Variants in TARS1 observed in about 807,000 individuals in gnomAD.
TARS1 encodes threonine--tRNA ligase 1, cytoplasmic.
In TARS1, 57 loss-of-function variants were observed where a neutral mutation model predicts 97.7. That is an observed-to-expected ratio of 0.58 (90% confidence interval 0.47 to 0.73). TARS1 has a LOEUF of 0.73. TARS1 is among the 30% of genes least tolerant of loss of function. TARS1 has a pLI of 0.00. For missense variants in TARS1, 806 were observed against 888.3 expected (o/e 0.91, Z 1.18); for synonymous variants, 312 against 293.7 (o/e 1.06, Z -0.64).
At chr5:33,460,012 C>A in intron 11 of TARS1, 151 bp downstream of exon 11, 2 of 746,936 alleles carry the variant, frequency 2.7e-6, no homozygotes, top group Non-Finnish European at 4.0e-6. Context: ...ATCTTCTGCA[C>A]CTGATTAGAT....
chr5:33,466,344 A>T (rs1379816390), intron 17 of TARS1: 1 of 152,134 alleles, frequency 6.6e-6, no homozygotes, highest in Admixed American at 6.5e-5. Flanking sequence ...ACTATTAAAT[A>T]TTATTCTATT....
In TARS1 at chr5:33,441,056, T is replaced by C. The variant is rs750001824; in HGVS notation, c.-31T>C. On this transcript the variant is annotated 5_prime_UTR_variant, in exon 1 of 19. Coordinates refer to ENST00000265112, the MANE Select transcript of TARS1 (RefSeq NM_152295.5). ...GCTCCTCTCCTCTAGGCCGTCGCTT[T>C]CGGGTTCTCTCATCGCTTCGTCGTT... 1 of 1,614,154 alleles carries C rather than the reference T, an allele frequency of 6.2e-7. No individual in the cohort carries two copies. The highest frequency in any genetic ancestry group is 1.1e-5 in the South Asian group (1 of 91,090).
chr5:33,466,418 A>T (rs921108129), intron 17 of TARS1, among the ~76,000 whole-genome samples: 10 of 152,174 alleles, frequency 6.6e-5, no homozygotes, highest in African/African-American at 1.7e-4. Context: ...TGATACTCAG[A>T]AGTTAAGATT....
chr5:33,441,777 A>T (rs900738759), intron 1 of TARS1: 1 of 152,254 alleles, frequency 6.6e-6, no homozygotes, highest in East Asian at 1.9e-4. Flanking sequence ...GTATTACAGA[A>T]GAGGAAGTTT....
At chr5:33,462,915 G>C (rs1742362083) in intron 16 of TARS1, among the ~76,000 whole-genome samples, 1 of 152,078 alleles carries the variant, frequency 6.6e-6, no homozygotes, top group Non-Finnish European at 1.5e-5. Context: ...TTTGAACTTG[G>C]TTACTTCAGA....
At position 33,460,879 on chromosome 5, in the gene TARS1, T is replaced by C. The variant is rs1029437432; in HGVS notation, c.1251-23T>C. The C allele has an allele frequency of 8.1e-6, 13 of 1,613,188 alleles. No homozygotes were observed. In the Admixed American group the frequency reaches 8.4e-5, roughly 10 times the overall value. ...AAGCAGTTTTATTCTTAAGTGTCCGTGGACTTTTCTTTTTCTCTTCAGCCT... is the reference window on the plus strand; with the variant it reads ...AAGCAGTTTTATTCTTAAGTGTCCGCGGACTTTTCTTTTTCTCTTCAGCCT... On this transcript the variant is annotated intron_variant, in intron 11 of 18. Transcript: ENST00000265112.
chr5:33,460,576 G>A (rs892007858), intron 11 of TARS1, among the ~76,000 whole-genome samples: 1 of 152,228 alleles, frequency 6.6e-6, no homozygotes, highest in Non-Finnish European at 1.5e-5. Context: ...AGGCCTGGAG[G>A]GCAGAGGAGG....
chr5:33,466,268 T>C (rs1230009281), intron 17 of TARS1: 1 of 152,232 alleles, frequency 6.6e-6, no homozygotes, highest in Non-Finnish European at 1.5e-5. Context: ...CCAACTCTCA[T>C]AGCAGGCTGA....
chr5:33,446,161 T>G (rs1232890225), intron 2 of TARS1: 1 of 160,492 alleles, frequency 6.2e-6, no homozygotes, highest in African/African-American at 2.4e-5. Flanking sequence ...GTAAGCTGGC[T>G]TTTAAGAGCC....
chr5:33,462,824 A>G (rs1225966673), intron 16 of TARS1, among the ~76,000 whole-genome samples: 1 of 152,170 alleles, frequency 6.6e-6, no homozygotes, highest in Non-Finnish European at 1.5e-5. Context: ...AGAGCCTTCC[A>G]TATTAATCAT....
intron 1 of TARS1, among the ~76,000 whole-genome samples, chr5:33,443,495 T>C (rs1250500851): frequency 6.7e-6 from 1 of 150,336 alleles, no homozygotes; most frequent in Admixed American, 6.6e-5. Context: ...TTTTTTTTGT[T>C]GTCGTTGTTG....
intron 17 of TARS1, among the ~76,000 whole-genome samples, chr5:33,464,225 A>G (rs1156456587): frequency 6.6e-6 from 1 of 152,118 alleles, no homozygotes; most frequent in Non-Finnish European, 1.5e-5. Context: ...TTACACTTGT[A>G]TATTTTAGTA....
In TARS1 at chr5:33,453,307, C is replaced by T; in HGVS notation, c.348C>T (p.Asn116=). The T allele has an allele frequency of 1.3e-6, 2 of 1,532,226 alleles. No homozygotes were observed. The highest frequency in any genetic ancestry group is 2.5e-5 in the East Asian group (1 of 40,472). The allele number at this position is 1,532,226 out of a possible 1,614,324, so 94.9% of individuals were successfully genotyped here. ...TTTTAAGTCAAGGCCTGGCCGACAA[C>T]ACCGTTATTGCTAAAGTAAATAATG... ...ACGISQGLAD[N]TVIAKVNNVV... is the part of the protein sequence containing the mutation. Residue 116 remains asparagine (N), a synonymous_variant, in exon 4 of 19, where the codon AAC becomes AAT. Transcript: ENST00000265112.
In TARS1 at chr5:33,466,968, A is replaced by G. The variant is rs768094694; in HGVS notation, c.2006A>G (p.Gln669Arg). 46 of 1,564,184 alleles carry G rather than the reference A, an allele frequency of 2.9e-5. No homozygotes were observed. The East Asian group carries it at 9.4e-4, about 32-fold the overall frequency. Reference protein sequence around the residue: ...NKKIRNAQLAQYNFILVVGEK... With the variant: ...NKKIRNAQLARYNFILVVGEK... ...AAGATTCGAAATGCACAGTTAGCAC[A>G]GTATAACTTCATTTTAGGTAAGAAT... Residue 669 changes from glutamine (Q) to arginine (R), a missense_variant, in exon 18 of 19, where the codon CAG becomes CGG. By Grantham distance (43) the Gln-to-Arg change is conservative. Transcript: ENST00000265112.
Position 33,441,141 on chromosome 5 carries a change from C to G in TARS1, c.55C>G (p.Pro19Ala), listed in dbSNP as rs1230371441. 1.2e-6 allele frequency: 2 copies of G among 1,614,014 alleles called. No individual in the cohort carries two copies. Among genetic ancestry groups the G allele is most frequent in the Admixed American group, 3.3e-5 (2 of 59,998 alleles). The change falls in exon 1 of 19, where the codon CCG (proline) becomes GCG (alanine). Residue 19 changes from proline (P) to alanine (A), a missense_variant and splice_region_variant. Coordinates refer to ENST00000265112, the MANE Select transcript of TARS1 (RefSeq NM_152295.5). The stretch of plus-strand genomic sequence containing the variant: ...AGGGAAGATGGGAGGCGAGGAGAAG[C>G]CGGTGAGCAAACTTGGTGGGACCCA... ...PSGKMGGEEK[P>A]IGAGEEKQKE... is the part of the protein sequence containing the mutation.
chr5:33,446,581 C>G (rs902458056), intron 2 of TARS1: 2 of 771,866 alleles, frequency 2.6e-6, no homozygotes, highest in African/African-American at 3.6e-5. Context: ...AGTGAACTGT[C>G]CAAGACCTTG....
chr5:33,460,490 G>A (rs1742237838), intron 11 of TARS1, among the ~76,000 whole-genome samples: 1 of 152,172 alleles, frequency 6.6e-6, no homozygotes, highest in African/African-American at 2.4e-5. Context: ...TTGAAAGTTG[G>A]GTGAAGAACA....
At chr5:33,462,516 T>A (rs1742343578) in intron 16 of TARS1, among the ~76,000 whole-genome samples, 1 of 152,198 alleles carries the variant, frequency 6.6e-6, no homozygotes, top group African/African-American at 2.4e-5. Flanking sequence ...CTAGTAACTT[T>A]GTTTTGGGAT....
chr5:33,460,028 CT>C (rs77381964), intron 11 of TARS1, 167 bp downstream of exon 11: 49,499 of 377,756 alleles, frequency 0.13, 98 homozygotes, highest in East Asian at 0.16. Flanking sequence ...TAGATCCCCA[CT>C]TTTTTTTTTT....
Sources: gnomAD v4.1 joint callset for allele counts (sites outside exome capture counted in the v4.1 genomes callset) on GRCh38, gnomAD v4.1.1 for gene constraint, MANE v1.5 for transcripts, NCBI Gene and HGNC (gene_info 2026-07-23, HGNC 2026-07-21) for gene names.